The following TRAPPC9 variants were observed in gnomAD, a reference collection of about 807,000 sequenced individuals.
The protein encoded by TRAPPC9 is trafficking protein particle complex subunit 9, also known as IKK2 binding protein.
A neutral mutation model predicts 124.0 loss-of-function variants in TRAPPC9; 83 were observed. The observed-to-expected ratio is 0.67, with a 90% confidence interval of 0.56 to 0.80. The LOEUF (loss-of-function observed/expected upper bound fraction) is 0.80, where lower values mean the gene tolerates loss of function less well. Among genes scored for constraint, TRAPPC9 ranks in the 30% least tolerant of loss-of-function variants. The probability of loss-of-function intolerance (pLI) is 0.00; values close to 1 mark genes in which losing one functional copy is unlikely to be tolerated. For missense variants in TRAPPC9, 1,302 were observed against 1,508.3 expected (o/e 0.86, Z 2.27); for synonymous variants, 638 against 617.5 (o/e 1.03, Z -0.49).
chr8:139,760,427 G>T (rs1158439409), intron 21 of TRAPPC9, among the ~76,000 whole-genome samples: 1 of 152,144 alleles, frequency 6.6e-6, no homozygotes, highest in Non-Finnish European at 1.5e-5. Flanking sequence ...GTGACCGCAC[G>T]CTCAGAACAT....
At chr8:140,202,603 G>A (rs960459109) in intron 17 of TRAPPC9, among the ~76,000 whole-genome samples, 2 of 152,176 alleles carry the variant, frequency 1.3e-5, no homozygotes, top group African/African-American at 4.8e-5. Context: ...ATCAGGCAAA[G>A]ATTATCCATT....
intron 21 of TRAPPC9, among the ~76,000 whole-genome samples, chr8:139,878,296 A>G (rs955811221): frequency 6.6e-6 from 1 of 152,244 alleles, no homozygotes; most frequent in Admixed American, 6.5e-5. Flanking sequence ...ATCCCTATGG[A>G]CAAAATTAGA....
intron 20 of TRAPPC9, among the ~76,000 whole-genome samples, chr8:139,909,629 G>GA (rs1831579375): frequency 6.6e-6 from 1 of 152,242 alleles, no homozygotes; most frequent in South Asian, 2.1e-4. Flanking sequence ...TGTCTGCAAG[G>GA]AGTCAGCCAT....
At chr8:139,937,164 CCT>C (rs1833584968) in intron 19 of TRAPPC9, among the ~76,000 whole-genome samples, 1 of 152,098 alleles carries the variant, frequency 6.6e-6, no homozygotes, top group Non-Finnish European at 1.5e-5. Context: ...GCTTTAGCCC[CCT>C]GTGTCTACAG....
intron 10 of TRAPPC9, among the ~76,000 whole-genome samples, chr8:140,308,260 C>G (rs1259715968): frequency 6.6e-6 from 1 of 151,642 alleles, no homozygotes; most frequent in Non-Finnish European, 1.5e-5. Flanking sequence ...ACAGGGCAGG[C>G]CACAGAGGCC....
rs1006062210 is a variant in TRAPPC9, at chr8:139,930,048, T to C, written c.2811-19748A>G. Among the ~76,000 whole-genome samples the C allele has an allele frequency of 3.3e-5, 5 of 152,230 alleles. No individual in the cohort carries two copies. In the East Asian group the frequency reaches 7.7e-4, roughly 23 times the overall value. On this transcript the variant is annotated intron_variant, in intron 19 of 22. Coordinates refer to ENST00000438773, the MANE Select transcript of TRAPPC9 (RefSeq NM_001160372.4). The stretch of plus-strand genomic sequence containing the variant: ...GCCGATTCTCTACACTTCTCTGTTA[T>C]GAACAGGTAATTTAAAGAAAACATT...
intron 9 of TRAPPC9, among the ~76,000 whole-genome samples, chr8:140,334,505 C>T (rs1324074340): frequency 6.6e-6 from 1 of 152,022 alleles, no homozygotes; most frequent in Admixed American, 6.6e-5. Flanking sequence ...CAAAAATTAG[C>T]CAGGCGTGGT....
At chr8:139,758,463 G>C (rs1374237006) in intron 21 of TRAPPC9, among the ~76,000 whole-genome samples, 1 of 152,228 alleles carries the variant, frequency 6.6e-6, no homozygotes, top group Non-Finnish European at 1.5e-5. Context: ...AATACCCCTG[G>C]CTAGAAGGTG....
At chr8:139,836,337 G>A (rs1006414393) in intron 21 of TRAPPC9, among the ~76,000 whole-genome samples, 3 of 152,190 alleles carry the variant, frequency 2.0e-5, no homozygotes, top group Non-Finnish European at 4.4e-5. Context: ...AGAAGAACCA[G>A]CTCTCCATCT....
chr8:140,277,461 A>G (rs1451151968), intron 14 of TRAPPC9, among the ~76,000 whole-genome samples: 1 of 152,236 alleles, frequency 6.6e-6, no homozygotes, highest in Non-Finnish European at 1.5e-5. Flanking sequence ...TTTATAGTCA[A>G]TGTGGATTTG....
chr8:140,298,369 C>G (rs559770940), intron 11 of TRAPPC9, among the ~76,000 whole-genome samples: 1 of 152,298 alleles, frequency 6.6e-6, no homozygotes, highest in South Asian at 2.1e-4. Context: ...AGACAATGTG[C>G]TGGCTGGACG....
chr8:140,336,699 C>A (rs1228843845), intron 9 of TRAPPC9, among the ~76,000 whole-genome samples: 3 of 152,170 alleles, frequency 2.0e-5, no homozygotes, highest in Non-Finnish European at 4.4e-5. Flanking sequence ...TACATTCTGA[C>A]ATTTTCTATC....
chr8:140,405,821 G>A, intron 5 of TRAPPC9, 123 bp from the exon 6 acceptor site: 1 of 1,121,390 alleles, frequency 8.9e-7, no homozygotes, highest in Non-Finnish European at 1.3e-6. Context: ...TAATGTAAGT[G>A]TTTAGTCTTC....
chr8:140,143,514 T>C (rs987468282), intron 17 of TRAPPC9, among the ~76,000 whole-genome samples: 2 of 152,398 alleles, frequency 1.3e-5, no homozygotes, highest in East Asian at 1.9e-4. Flanking sequence ...ATTTTGCTCA[T>C]AATGTCCTTC....
chr8:139,968,333 G>C (rs1835844521), intron 19 of TRAPPC9, among the ~76,000 whole-genome samples: 1 of 152,148 alleles, frequency 6.6e-6, no homozygotes. Context: ...AGCAAGCCCT[G>C]GAAACCAGCC....
intron 19 of TRAPPC9, among the ~76,000 whole-genome samples, chr8:139,976,378 G>A (rs1487048177): frequency 6.6e-6 from 1 of 152,200 alleles, no homozygotes; most frequent in Non-Finnish European, 1.5e-5. Context: ...ATTATGCAGA[G>A]GCTTATGACA....
At chr8:139,995,146 C>T (rs1837884950) in intron 18 of TRAPPC9, among the ~76,000 whole-genome samples, 1 of 152,160 alleles carries the variant, frequency 6.6e-6, no homozygotes, top group Admixed American at 6.5e-5. Context: ...GAGCCAGAAA[C>T]TGAAGTTATT....
rs752416635 is a variant in TRAPPC9 at position 140,451,329 on chromosome 8, C to G, written c.45G>C (p.Thr15=). 1 of 1,606,714 alleles carries G rather than the reference C, an allele frequency of 6.2e-7. No individual in the cohort carries two copies. Among genetic ancestry groups the G allele is most frequent in the East Asian group, 2.2e-5 (1 of 44,890 alleles). Residue 15 remains threonine (T), a synonymous_variant, in exon 2 of 23, where the codon ACG becomes ACC. Coordinates refer to ENST00000438773, the MANE Select transcript of TRAPPC9 (RefSeq NM_001160372.4). ...CCACAGGCTGGACCACCACGAGCAG[C>G]GTCTGGTGGTCCTCAGCACACTGCA... ...DYMQCAEDHQ[T]LLVVVQPVGI...
At chr8:139,902,362 A>C (rs1348707364) in intron 20 of TRAPPC9, among the ~76,000 whole-genome samples, 1 of 152,198 alleles carries the variant, frequency 6.6e-6, no homozygotes, top group African/African-American at 2.4e-5. Context: ...AAGGCCAAAC[A>C]GCCAGGGTGA....
Sources: gnomAD v4.1 joint callset for allele counts (sites outside exome capture counted in the v4.1 genomes callset) on GRCh38, gnomAD v4.1.1 for gene constraint, MANE v1.5 for transcripts, NCBI Gene and HGNC (gene_info 2026-07-23, HGNC 2026-07-21) for gene names.